The following PTPRG variants were observed in gnomAD, a reference collection of about 807,000 sequenced individuals.
PTPRG encodes the protein receptor-type tyrosine-protein phosphatase gamma.
PTPRG carries 102 observed loss-of-function variants against 165.3 expected under a neutral mutation model. The ratio of observed to expected loss-of-function variants is 0.62; its 90% CI spans 0.53 to 0.73. The LOEUF is 0.73. PTPRG is among the 30% of genes least tolerant of loss of function. PTPRG has a pLI of 0.00. For synonymous variants in PTPRG, 675 were observed against 669.5 expected (o/e 1.01, Z -0.13); for missense variants, 1,866 against 1,861.4 (o/e 1.00, Z -0.05).
intron 6 of PTPRG, among the ~76,000 whole-genome samples, chr3:62,144,077 C>G (rs1021081918): frequency 6.6e-6 from 1 of 152,196 alleles, no homozygotes; most frequent in African/African-American, 2.4e-5. Flanking sequence ...GCTGCACTCA[C>G]TTGTTTACAT....
At chr3:61,942,158 A>G (rs74636659) in intron 2 of PTPRG, among the ~76,000 whole-genome samples, 46 of 76,542 alleles carry the variant, frequency 6.0e-4, no homozygotes, top group Non-Finnish European at 3.7e-4. Flanking sequence ...ACTCTGTCTA[A>G]AAAAAAAAAA....
chr3:61,751,334 G>C (rs140941054), intron 2 of PTPRG, among the ~76,000 whole-genome samples: 124 of 152,276 alleles, frequency 8.1e-4, no homozygotes, highest in Admixed American at 1.7e-3. Flanking sequence ...TAGTCCTCTG[G>C]ATATAAATGC....
chr3:61,585,357 C>A (rs933662305), intron 1 of PTPRG, among the ~76,000 whole-genome samples: 1 of 151,196 alleles, frequency 6.6e-6, no homozygotes, highest in African/African-American at 2.4e-5. Flanking sequence ...AGGAAAATGG[C>A]AATCTTCTGT....
At chr3:62,292,324 T>C in intron 28 of PTPRG, 97 bp from the exon 29 acceptor site, 11 of 1,318,404 alleles carry the variant, frequency 8.3e-6, no homozygotes, top group Non-Finnish European at 1.0e-5. Context: ...CAAAACAGTC[T>C]ACTTAGTTTC....
rs72298352 is a variant in PTPRG, at chr3:61,921,117, C to CTCCTTCCTTCCTTCCTTCCTTCCT, written c.191-68485_191-68462dup. On this transcript the variant is annotated intron_variant, in intron 2 of 29. Coordinates refer to ENST00000474889, the MANE Select transcript of PTPRG (RefSeq NM_002841.4). ...CTTCCATCCATCTCCTTCCATCCAT[C>CTCCTTCCTTCCTTCCTTCCTTCCT]TCCTTCCTTCCTTCCTTCCTTCCTT... is the stretch of plus-strand genomic sequence containing the variant. Among the ~76,000 whole-genome samples, 394 of 148,606 alleles carry CTCCTTCCTTCCTTCCTTCCTTCCT rather than the reference C, an allele frequency of 2.7e-3. 2 individuals carry two copies. Among genetic ancestry groups the CTCCTTCCTTCCTTCCTTCCTTCCT allele is most frequent in the African/African-American group, 9.2e-3 (367 of 39,868 alleles).
At chr3:61,941,083 C>T (rs77877635) in intron 2 of PTPRG, among the ~76,000 whole-genome samples, 1,848 of 152,340 alleles carry the variant, frequency 0.012, 38 homozygotes, top group African/African-American at 0.039. Context: ...TCTGTGCACT[C>T]TTCTTCCTGT....
chr3:61,588,049 T>G (rs955524469), intron 1 of PTPRG, among the ~76,000 whole-genome samples: 1 of 152,176 alleles, frequency 6.6e-6, no homozygotes, highest in Admixed American at 6.6e-5. Flanking sequence ...TTAAAAAGTC[T>G]TCTTAAATTA....
chr3:61,751,753 G>A (rs2033437979), intron 2 of PTPRG, among the ~76,000 whole-genome samples: 1 of 152,166 alleles, frequency 6.6e-6, no homozygotes, highest in African/African-American at 2.4e-5. Context: ...CACTTTGGGA[G>A]GCCGAGGTGG....
chr3:61,667,568 A>T (rs528509195), intron 1 of PTPRG, among the ~76,000 whole-genome samples: 1 of 152,156 alleles, frequency 6.6e-6, no homozygotes, highest in East Asian at 1.9e-4. Flanking sequence ...GGGAGGCTCT[A>T]TTAGGCCTGA....
At chr3:61,758,143 A>G (rs556177834) in intron 2 of PTPRG, among the ~76,000 whole-genome samples, 2 of 142,084 alleles carry the variant, frequency 1.4e-5, no homozygotes, top group South Asian at 4.6e-4. Flanking sequence ...ATAGGCGCAC[A>G]CCACCACACC....
intron 2 of PTPRG, among the ~76,000 whole-genome samples, chr3:61,830,566 G>GTTTTTTTT (rs57644199): frequency 3.0e-4 from 26 of 86,528 alleles, no homozygotes; most frequent in Non-Finnish European, 4.8e-4. Flanking sequence ...TTTTGTTTTT[G>GTTTTTTTT]TTTTTTTTTT....
chr3:62,021,061 C>T (rs780626356), intron 4 of PTPRG, among the ~76,000 whole-genome samples: 4 of 152,208 alleles, frequency 2.6e-5, no homozygotes, highest in Non-Finnish European at 2.9e-5. Context: ...TGTGTGAGTA[C>T]GACTCTGGTC....
chr3:61,926,201 C>G (rs532072940), intron 2 of PTPRG, among the ~76,000 whole-genome samples: 1 of 152,066 alleles, frequency 6.6e-6, no homozygotes, highest in African/African-American at 2.4e-5. Context: ...TGATATGGTT[C>G]GGATCTGTGT....
chr3:61,982,018 A>G (rs1392392612), intron 2 of PTPRG, among the ~76,000 whole-genome samples: 1 of 152,156 alleles, frequency 6.6e-6, no homozygotes, highest in Non-Finnish European at 1.5e-5. Flanking sequence ...TCAAGTTGCC[A>G]GTCACCTTGC....
intron 1 of PTPRG, among the ~76,000 whole-genome samples, chr3:61,730,431 A>G (rs2032447013): frequency 6.6e-6 from 1 of 152,346 alleles, no homozygotes; most frequent in East Asian, 1.9e-4. Flanking sequence ...CTAAACTTAT[A>G]AAAGACTTTC....
chr3:61,777,760 A>G (rs1245930495), intron 2 of PTPRG, among the ~76,000 whole-genome samples: 2 of 152,174 alleles, frequency 1.3e-5, no homozygotes, highest in African/African-American at 4.8e-5. Context: ...TGGGGAGGCC[A>G]TTTGTGGTTG....
intron 1 of PTPRG, among the ~76,000 whole-genome samples, chr3:61,674,319 A>C (rs188980883): frequency 1.3e-5 from 2 of 152,024 alleles, no homozygotes; most frequent in African/African-American, 2.4e-5. Flanking sequence ...TTTGGATTCT[A>C]CTGTTACCTA....
chr3:62,189,637 T>G (rs2106800140), intron 8 of PTPRG, among the ~76,000 whole-genome samples: 1 of 152,304 alleles, frequency 6.6e-6, no homozygotes, highest in Middle Eastern at 3.4e-3. Flanking sequence ...CTCTAGGACC[T>G]GCCATTCCTC....
chr3:61,712,756 G>T (rs1428546000), intron 1 of PTPRG, among the ~76,000 whole-genome samples: 1 of 152,280 alleles, frequency 6.6e-6, no homozygotes, highest in East Asian at 1.9e-4. Flanking sequence ...GGTGAGAATG[G>T]ACTAATACAT....
Sources: gnomAD v4.1 joint callset for allele counts (sites outside exome capture counted in the v4.1 genomes callset) on GRCh38, gnomAD v4.1.1 for gene constraint, MANE v1.5 for transcripts, NCBI Gene and HGNC (gene_info 2026-07-23, HGNC 2026-07-21) for gene names.